IQSEC3: variants seen among roughly 807,000 people sequenced by gnomAD.
The protein encoded by IQSEC3 is IQ motif and SEC7 domain-containing protein 3.
In IQSEC3, 50 loss-of-function variants were observed where a neutral mutation model predicts 105.4. The observed-to-expected ratio is 0.47, with a 90% CI of 0.38 to 0.60. IQSEC3 has a LOEUF of 0.60. Among genes scored for constraint, IQSEC3 ranks in the 20% least tolerant of loss-of-function variants. IQSEC3 has a pLI of 0.00. For synonymous variants in IQSEC3, 708 were observed against 746.0 expected, an observed-to-expected ratio of 0.95 and a Z score of 0.83; for missense variants, 1,415 against 1,630.0, an observed-to-expected ratio of 0.87 and a Z score of 2.27.
At chr12:95,757 C>T (rs1864224705) in intron 1 of IQSEC3, among the ~76,000 whole-genome samples, 2 of 152,136 alleles carry the variant, frequency 1.3e-5, no homozygotes, top group African/African-American at 2.4e-5. Context: ...TCTCATTTAA[C>T]AATATGTTGT....
chr12:175,099 C>T lies in IQSEC3; in HGVS notation c.*66C>T. The T allele has an allele frequency of 4.0e-6, 5 of 1,238,806 alleles. No homozygotes were observed. The highest frequency in any genetic ancestry group is 5.5e-6 in the Non-Finnish European group (5 of 914,702). 76.7% of individuals were successfully genotyped at this position (1,238,806 alleles called of 1,614,324 possible). On this transcript the variant is annotated 3_prime_UTR_variant, in exon 14 of 14. Coordinates refer to ENST00000538872, the MANE Select transcript of IQSEC3 (RefSeq NM_001170738.2). ...CTGGGGGGCCTGGGCTGCCCCTCCA[C>T]TGCTCCCCATACCCTGGCACGATGC... is the stretch of plus-strand genomic sequence containing the variant.
At chr12:102,235 A>C (rs1371425757) in intron 2 of IQSEC3, among the ~76,000 whole-genome samples, 4 of 150,406 alleles carry the variant, frequency 2.7e-5, no homozygotes, top group Non-Finnish European at 5.9e-5. Flanking sequence ...CCTGTCAGTC[A>C]GTCTGGTTTC....
chr12:156,974 GAGGGTGCTT>G (rs1866709307), intron 5 of IQSEC3, 42 bp from the exon 6 acceptor site: 1 of 1,500,884 alleles, frequency 6.7e-7, no homozygotes, highest in Non-Finnish European at 8.9e-7. Context: ...ATGGGTGTTG[GAGGGTGCTT>G]AGGGTGCCAC....
chr12:165,449 C>G lies in IQSEC3; in HGVS notation c.2725C>G (p.Pro909Ala). The G allele has an allele frequency of 6.2e-7, 1 of 1,614,068 alleles. No homozygotes were observed. Among genetic ancestry groups the G allele is most frequent in the East Asian group, 2.2e-5 (1 of 44,888 alleles). Residue 909 changes from proline to alanine, a missense_variant, in exon 10 of 14, where the codon CCG becomes GCG. Around this residue, in one of 6 missense-constraint regions of IQSEC3, gnomAD observed 419 missense variants for 436.2 expected, o/e 0.96. Transcript: ENST00000538872. Reference protein sequence around the residue: ...NDLLVILKLCPKKKSSSTYTF... With the variant: ...NDLLVILKLCAKKKSSSTYTF... ...TCCTGAACAGATTCTCAAACTTTGC[C>G]CGAAGAAGAAGAGCTCCTCCACGTA...
chr12:71,156 T>C (rs373190912), intron 1 of IQSEC3, among the ~76,000 whole-genome samples: 59 of 152,412 alleles, frequency 3.9e-4, no homozygotes, highest in African/African-American at 1.4e-3. Flanking sequence ...GAGTTCTGGA[T>C]GTGCTTTTTA....
intron 3 of IQSEC3, among the ~76,000 whole-genome samples, chr12:128,863 G>A (rs1281675876): frequency 6.6e-6 from 1 of 152,164 alleles, no homozygotes; most frequent in Non-Finnish European, 1.5e-5. Context: ...CCTCGGGAAA[G>A]CCTCTGATGG....
rs1443588330 is a variant in IQSEC3, at chr12:67,288, C to A, written c.406C>A (p.Gln136Lys). Residue 136 changes from glutamine (Q) to lysine (K), a missense_variant, in exon 1 of 14, where the codon CAG (glutamine) becomes AAG (lysine). Gln to Lys is a moderately conservative substitution (Grantham distance 53). Coordinates refer to ENST00000538872, the MANE Select transcript of IQSEC3 (RefSeq NM_001170738.2). ...RGPGSRAHTP[Q>K]SPHKHLGTQG... ...CCCTGGCAGCAGGGCTCACACACCCCAGTCGCCCCACAAGCATCTGGGGAC... is the reference window on the plus strand; with the variant it reads ...CCCTGGCAGCAGGGCTCACACACCCAAGTCGCCCCACAAGCATCTGGGGAC... 1 of 1,597,916 alleles carries A rather than the reference C, an allele frequency of 6.3e-7. No homozygotes were observed. The highest frequency in any genetic ancestry group is 1.3e-5 in the African/African-American group (1 of 74,874).
At chr12:169,564 CA>C (rs1218302756) in intron 12 of IQSEC3, among the ~76,000 whole-genome samples, 1 of 152,202 alleles carries the variant, frequency 6.6e-6, no homozygotes, top group Admixed American at 6.5e-5. Context: ...TAATGAGCCA[CA>C]AGCACTTCCT....
chr12:124,809 C>T (rs1297436640), intron 2 of IQSEC3, among the ~76,000 whole-genome samples: 2 of 152,222 alleles, frequency 1.3e-5, no homozygotes, highest in Admixed American at 6.5e-5. Context: ...AGGGAACCAA[C>T]TCTACAAAGC....
intron 1 of IQSEC3, among the ~76,000 whole-genome samples, chr12:70,264 G>A (rs758214175): frequency 2.8e-4 from 42 of 152,376 alleles, no homozygotes; most frequent in Non-Finnish European, 5.7e-4. Context: ...AGAAGCCCTA[G>A]ATAACTGGGA....
intron 1 of IQSEC3, among the ~76,000 whole-genome samples, chr12:76,652 G>T (rs1279436889): frequency 3.3e-5 from 5 of 152,130 alleles, no homozygotes; most frequent in African/African-American, 7.3e-5. Flanking sequence ...TACCCACTCT[G>T]TCTGGAGCAT....
chr12:99,224 G>A lies in IQSEC3; in HGVS notation c.623+10G>A. 1 of 1,597,486 alleles carries A rather than the reference G, an allele frequency of 6.3e-7. No individual in the cohort carries two copies. The highest frequency in any genetic ancestry group is 8.5e-7 in the Non-Finnish European group (1 of 1,179,110). On this transcript the variant is annotated intron_variant, in intron 2 of 13. Transcript: ENST00000538872. ...ACCTGGCCTCCCAAAGGTGGGAACT[G>A]TGGCCCTTCCTCCCTTCCGCATCCC...
At chr12:99,792 T>C in intron 2 of IQSEC3, among the ~76,000 whole-genome samples, 1 of 152,144 alleles carries the variant, frequency 6.6e-6, no homozygotes, top group East Asian at 1.9e-4. Context: ...TCCTGGGTTA[T>C]CCTCCTGCCC....
Position 174,613 on chromosome 12 carries a change from C to T in IQSEC3, c.3129C>T (p.Asn1043=). The T allele has an allele frequency of 6.5e-7, 1 of 1,545,546 alleles. No individual in the cohort carries two copies. The highest frequency in any genetic ancestry group is 1.8e-4 in the Middle Eastern group (1 of 5,678). Reference sequence around the variant, plus strand: ...TTCTAAACTAGGTGTCAATTCACAACAGGCTTCAAACGTCCCAGCACAACT... The same window carrying T: ...TTCTAAACTAGGTGTCAATTCACAATAGGCTTCAAACGTCCCAGCACAACT... ...AESTVEVSIH[N]RLQTSQHNSG... is the part of the protein sequence containing the mutation. The change falls in exon 14 of 14, where the codon AAC becomes AAT. Residue 1043 remains asparagine, a synonymous_variant. Coordinates refer to ENST00000538872, the MANE Select transcript of IQSEC3 (RefSeq NM_001170738.2).
intron 2 of IQSEC3, among the ~76,000 whole-genome samples, chr12:116,842 G>C (rs1298453287): frequency 6.6e-6 from 1 of 152,210 alleles, no homozygotes; most frequent in Non-Finnish European, 1.5e-5. Context: ...GGGGGCGTTT[G>C]CCCATAGGGA....
At chr12:122,839 G>A (rs1865263813) in intron 2 of IQSEC3, among the ~76,000 whole-genome samples, 1 of 152,204 alleles carries the variant, frequency 6.6e-6, no homozygotes, top group Admixed American at 6.5e-5. Context: ...GGTATTAAAG[G>A]TGTCTGGACC....
chr12:125,585 CCCTGTCG>C, intron 2 of IQSEC3, 41 bp from the exon 3 acceptor site: 1 of 1,450,092 alleles, frequency 6.9e-7, no homozygotes, highest in Non-Finnish European at 9.0e-7. Context: ...TCCACACGCA[CCCTGTCG>C]CCCTCTCCCC....
At chr12:149,645 G>C (rs1404238496) in intron 5 of IQSEC3, among the ~76,000 whole-genome samples, 1 of 152,236 alleles carries the variant, frequency 6.6e-6, no homozygotes, top group African/African-American at 2.4e-5. Context: ...GTAGCCTCGT[G>C]GGGAAGACAG....
At chr12:125,395 C>T (rs60025804) in intron 2 of IQSEC3, among the ~76,000 whole-genome samples, 48,106 of 151,860 alleles carry the variant, frequency 0.32, 8,966 homozygotes, top group East Asian at 0.49. Context: ...TGAGCCCTGG[C>T]CATAGCTGCC....
Sources: gnomAD v4.1 joint callset for allele counts (sites outside exome capture counted in the v4.1 genomes callset) on GRCh38, gnomAD v4.1.1 for gene constraint, gnomAD v4.1.1 regional missense constraint, MANE v1.5 for transcripts, NCBI Gene and HGNC (gene_info 2026-07-23, HGNC 2026-07-21) for gene names.